The following MGAM variants were observed in gnomAD, a reference collection of about 807,000 sequenced individuals.
MGAM encodes the protein alpha-1,4-glucosidase.
Under a neutral mutation model 358.8 loss-of-function variants are expected in MGAM, and 253 were observed. The ratio of observed to expected loss-of-function variants is 0.71; its 90% CI spans 0.64 to 0.78. MGAM has a LOEUF of 0.78. Among genes scored for constraint, MGAM ranks in the 30% least tolerant of loss-of-function variants. The pLI, the probability that MGAM is intolerant of heterozygous loss-of-function variation, is 0.00. For synonymous variants in MGAM, 1,105 were observed against 1,227.1 expected (o/e 0.90, Z 2.08); for missense variants, 3,080 against 3,432.6 (o/e 0.90, Z 2.57).
chr7:142,084,659 A>C lies in MGAM; in HGVS notation c.6507+15A>C. 1 of 1,553,400 alleles carries C rather than the reference A, an allele frequency of 6.4e-7. No individual in the cohort carries two copies. On this transcript the variant is annotated intron_variant, in intron 54 of 70. Transcript: ENST00000475668. Reference sequence around the variant, plus strand: ...AGATCCCTTATGTACGTTCTCAGTCATGGCTCTGGAGTTTGAAAACTAACC... The same window carrying C: ...AGATCCCTTATGTACGTTCTCAGTCCTGGCTCTGGAGTTTGAAAACTAACC...
At chr7:142,030,592 T>A in intron 11 of MGAM, 49 bp from the exon 12 acceptor site, 1 of 1,602,740 alleles carries the variant, frequency 6.2e-7, no homozygotes, top group Non-Finnish European at 8.5e-7. Context: ...CTCCTTTCAG[T>A]GCCTCCGGTT....
At chr7:142,005,178 A>G (rs1285963) in intron 1 of MGAM, among the ~76,000 whole-genome samples, 73,070 of 151,642 alleles carry the variant, frequency 0.48, 18,046 homozygotes, top group East Asian at 0.66. Context: ...AAGAAATTTT[A>G]AAATTCACTA....
At chr7:142,094,940 G>A (rs1041755972) in intron 63 of MGAM, 77 bp downstream of exon 63, 13 of 1,433,414 alleles carry the variant, frequency 9.1e-6, no homozygotes, top group Admixed American at 7.1e-5. Flanking sequence ...AATGCAGTCT[G>A]TATTTCCTGT....
chr7:142,090,571 C>T (rs1815287380), intron 57 of MGAM, among the ~76,000 whole-genome samples: 1 of 146,090 alleles, frequency 6.8e-6, no homozygotes, highest in East Asian at 2.0e-4. Context: ...TTTCTGTTTT[C>T]TCATGTTCCT....
At chr7:141,995,719 T>C (rs1554448491), upstream of MGAM, 1 of 152,246 alleles carries the variant, frequency 6.6e-6, no homozygotes, top group Non-Finnish European at 1.5e-5. Flanking sequence ...GATGTCCTTC[T>C]TAGAGCAAGA....
In MGAM at chr7:142,084,120, G is replaced by A. The variant is rs900947441; in HGVS notation, c.6382-399G>A. Among the ~76,000 whole-genome samples the A allele has an allele frequency of 4.8e-5, 7 of 146,264 alleles. 2 individuals are homozygous for A. The highest frequency in any genetic ancestry group is 1.1e-4 in the Non-Finnish European group (7 of 64,600). ...CTCATTCAGTCTTCACAAAAGGACT[G>A]TGAGGGAGATGCTATTATTATACCC... On this transcript the variant is annotated intron_variant, in intron 53 of 70. Transcript: ENST00000475668.
chr7:141,998,642 T>A (rs542265744), intron 1 of MGAM, among the ~76,000 whole-genome samples: 2 of 152,342 alleles, frequency 1.3e-5, no homozygotes, highest in East Asian at 3.9e-4. Flanking sequence ...ACATTTTGTT[T>A]ATTCAGTCTA....
At chr7:142,090,478 T>G (rs1815276441) in intron 57 of MGAM, among the ~76,000 whole-genome samples, 1 of 145,904 alleles carries the variant, frequency 6.9e-6, no homozygotes, top group Admixed American at 6.9e-5. Flanking sequence ...ATCCCTGGCA[T>G]GCCCACTTCT....
chr7:142,045,389 A>T (rs1161204692), intron 21 of MGAM, among the ~76,000 whole-genome samples: 2 of 75,924 alleles, frequency 2.6e-5, no homozygotes, highest in African/African-American at 8.7e-5. Context: ...TATCCCTATA[A>T]TACATGATAT....
At chr7:142,017,226 C>T (rs1459790972) in intron 3 of MGAM, among the ~76,000 whole-genome samples, 2 of 152,042 alleles carry the variant, frequency 1.3e-5, no homozygotes, top group Non-Finnish European at 2.9e-5. Context: ...GTTACACATT[C>T]TATATTATTT....
At chr7:142,038,251 G>A (rs1289418887) in intron 18 of MGAM, among the ~76,000 whole-genome samples, 1 of 152,136 alleles carries the variant, frequency 6.6e-6, no homozygotes, top group East Asian at 1.9e-4. Context: ...TTTTTAAAAA[G>A]GAGGGCTATG....
intron 32 of MGAM, 87 bp from the exon 33 acceptor site, chr7:142,059,769 A>G: frequency 6.4e-7 from 1 of 1,569,234 alleles, no homozygotes; most frequent in Non-Finnish European, 8.7e-7. Context: ...GAAGCCAGCG[A>G]GTTCACCCTT....
At chr7:142,021,788 G>T (rs1208910324) in intron 6 of MGAM, 51 bp downstream of exon 6, 1 of 1,584,230 alleles carries the variant, frequency 6.3e-7, no homozygotes, top group Non-Finnish European at 8.7e-7. Context: ...TTACAGGGAG[G>T]TCTGTAAGCA....
At chr7:142,024,665 C>G (rs1310892397) in intron 7 of MGAM, among the ~76,000 whole-genome samples, 1 of 152,112 alleles carries the variant, frequency 6.6e-6, no homozygotes, top group Non-Finnish European at 1.5e-5. Context: ...GACTAGAGCT[C>G]CATCTAGTTA....
At position 142,052,847 on chromosome 7, in the gene MGAM, G is replaced by A; in HGVS notation, c.3022G>A (p.Val1008Ile). 6.2e-7 allele frequency: 1 copy of A among 1,613,854 alleles called. No homozygotes were observed. The highest frequency in any genetic ancestry group is 8.5e-7 in the Non-Finnish European group (1 of 1,179,830). ...FVNDLYSVSD[V>I]QYNSHGATAD... is the part of the protein sequence containing the mutation. ...CAACGACCTATACTCTGTCAGTGAT[G>A]TTCAGTATAATTCCCATGGGGCCAC... The change falls in exon 26 of 71, where the codon GTT (valine) becomes ATT (isoleucine). Residue 1008 changes from valine to isoleucine, a missense_variant. Physicochemically the swap from Val to Ile is conservative, Grantham distance 29 (BLOSUM62 3). This residue lies in a region of MGAM where 1,816 missense variants were observed against 1,840.5 expected (regional missense o/e 0.99). Transcript: ENST00000475668.
intron 70 of MGAM, among the ~76,000 whole-genome samples, chr7:142,103,775 T>C (rs1345501481): frequency 2.0e-5 from 3 of 151,940 alleles, no homozygotes; most frequent in African/African-American, 7.3e-5. Context: ...ATACCATCAG[T>C]GAAAATTGCT....
In MGAM at chr7:142,030,405, A is replaced by G. The variant is rs782114142; in HGVS notation, c.1265A>G (p.Asp422Gly). The G allele has an allele frequency of 3.1e-6, 5 of 1,613,308 alleles. No individual in the cohort carries two copies. In the Admixed American group the frequency reaches 8.3e-5, roughly 27 times the overall value. ...ADIDYMDERR[D>G]FTYDSVDFKG... ...ATTGATTATATGGATGAGAGAAGGG[A>G]CTTCACTTATGATTCAGTGGATTTT... The change falls in exon 11 of 71, where the codon GAC becomes GGC. Residue 422 changes from aspartate (D) to glycine (G), a missense_variant. By Grantham distance (94) the Asp-to-Gly change is moderately conservative. Transcript: ENST00000475668.
In MGAM at chr7:142,061,545, C is replaced by T. The variant is rs149025245; in HGVS notation, c.4123-1023C>T. 3.9e-3 allele frequency among the ~76,000 whole-genome samples: 592 copies of T among 152,250 alleles called. 2 individuals carry two copies. The highest frequency in any genetic ancestry group is 6.8e-3 in the Middle Eastern group (2 of 294). ...TTCCCTTTTCTGCCCTTTTTCTAGA[C>T]ATCTGGGTTCCTACCTGCCCTTTAT... On this transcript the variant is annotated intron_variant, in intron 34 of 70. Coordinates refer to ENST00000475668, the MANE Select transcript of MGAM (RefSeq NM_001365693.1).
Position 142,082,177 on chromosome 7 carries a change from T to C in MGAM, c.6138T>C (p.Thr2046=), listed in dbSNP as rs1439959554. The C allele has an allele frequency of 5.1e-6, 8 of 1,555,304 alleles. No individual in the cohort carries two copies. Among genetic ancestry groups the C allele is most frequent in the South Asian group, 1.1e-5 (1 of 89,156 alleles). ...TSYRRDLEWH[T]WGMFSRDQPP... is the part of the protein sequence containing the mutation. Reference sequence around the variant, plus strand: ...ACAGGAGAGACTTGGAGTGGCACACTTGGGGGATGTTCTCCCGAGACCAGC... The same window carrying C: ...ACAGGAGAGACTTGGAGTGGCACACCTGGGGGATGTTCTCCCGAGACCAGC... Residue 2046 remains threonine (T), a synonymous_variant, in exon 51 of 71, where the codon ACT becomes ACC. Transcript: ENST00000475668.
Sources: gnomAD v4.1 joint callset for allele counts (sites outside exome capture counted in the v4.1 genomes callset) on GRCh38, gnomAD v4.1.1 for gene constraint, gnomAD v4.1.1 regional missense constraint, MANE v1.5 for transcripts, NCBI Gene and HGNC (gene_info 2026-07-23, HGNC 2026-07-21) for gene names.